The following EFCAB13 variants were observed in gnomAD, a reference collection of about 807,000 sequenced individuals.
EFCAB13 encodes EF-hand calcium-binding domain-containing protein 13.
In EFCAB13, 91 loss-of-function variants were observed where a neutral mutation model predicts 110.2. That is an observed-to-expected ratio of 0.83 (90% CI 0.70 to 0.98). EFCAB13 has a LOEUF of 0.98. Among genes scored for constraint, EFCAB13 ranks in the 50% least tolerant of loss-of-function variants. The pLI, the probability that EFCAB13 is intolerant of heterozygous loss-of-function variation, is 0.00. For synonymous variants in EFCAB13, 323 were observed against 369.9 expected (o/e 0.87, Z 1.45); for missense variants, 968 against 1,119.4 (o/e 0.86, Z 1.93).
In EFCAB13 at chr17:47,393,717, AAAATAAAT is replaced by A. The variant is rs142944677; in HGVS notation, c.1727-276_1727-269del. Among the ~76,000 whole-genome samples, 1,236 of 142,246 alleles carry A rather than the reference AAAATAAAT, an allele frequency of 8.7e-3. 12 individuals are homozygous for A. The highest frequency in any genetic ancestry group is 0.022 in the African/African-American group (851 of 38,130). 93.3% of individuals were successfully genotyped at this position (142,246 alleles called of 152,430 possible). A position where few individuals can be genotyped will look rare whatever the true frequency, so the allele number is the denominator to read the frequency against. ...GGTGACAGAGTGAGACTCTTTCTCA[AAAATAAAT>A]AAATAAATAAATAAATAAATAAATA... is the stretch of plus-strand genomic sequence containing the variant. On this transcript the variant is annotated intron_variant, in intron 15 of 24. Transcript: ENST00000331493.
intron 4 of EFCAB13, chr17:47,329,961 C>A (rs2065310172): frequency 6.6e-6 from 1 of 152,124 alleles, no homozygotes; most frequent in Non-Finnish European, 1.5e-5. Flanking sequence ...TGAAATAGTT[C>A]TGTTAATTTC....
intron 9 of EFCAB13, among the ~76,000 whole-genome samples, chr17:47,360,701 A>G (rs989251580): frequency 6.6e-6 from 1 of 152,144 alleles, no homozygotes; most frequent in African/African-American, 2.4e-5. Context: ...GTCCTCGCCC[A>G]TGCCTATGTC....
chr17:47,393,693 G>A (rs1436024712), intron 15 of EFCAB13, among the ~76,000 whole-genome samples: 1 of 150,472 alleles, frequency 6.6e-6, no homozygotes, highest in Non-Finnish European at 1.5e-5. Context: ...TCTAGCGTGG[G>A]TGACAGAGTG....
At position 47,351,327 on chromosome 17, in the gene EFCAB13, G is replaced by GCGCA. The variant is rs751350035; in HGVS notation, c.661+3377_661+3378insGCAC. On this transcript the variant is annotated intron_variant, in intron 9 of 24. Coordinates refer to ENST00000331493, the MANE Select transcript of EFCAB13 (RefSeq NM_152347.5). Reference sequence around the variant, plus strand: ...TGTGCGCGCGCGCGCGCGCGCGCGCGCCACGTTTTCTTTATCCAGTCATCC... The same window carrying GCGCA: ...TGTGCGCGCGCGCGCGCGCGCGCGCGCGCACCACGTTTTCTTTATCCAGTCATCC... Among the ~76,000 whole-genome samples the GCGCA allele has an allele frequency of 2.4e-3, 358 of 150,074 alleles. 3 individuals carry two copies. The highest frequency in any genetic ancestry group is 4.6e-3 in the Admixed American group (69 of 15,030).
chr17:47,356,369 T>A (rs1289293423), intron 9 of EFCAB13, among the ~76,000 whole-genome samples: 1 of 152,230 alleles, frequency 6.6e-6, no homozygotes, highest in African/African-American at 2.4e-5. Flanking sequence ...TTCAGATTCT[T>A]TTGTTCCTCA....
In EFCAB13 at chr17:47,440,445, A is replaced by G; in HGVS notation, c.2653A>G (p.Ser885Gly). ...TTGCCTTACAGAAAGTGGCAAGGTT[A>G]GCATTCAAGAATTTATGACTAAATT... ...HVPEHESGKV[S>G]IQEFMTKLSD... The change falls in exon 25 of 25, where the codon AGC becomes GGC. Residue 885 changes from serine to glycine, a missense_variant. Physicochemically the swap from Ser to Gly is moderately conservative, Grantham distance 56. Transcript: ENST00000331493. 1 of 1,594,324 alleles carries G rather than the reference A, an allele frequency of 6.3e-7. No individual in the cohort carries two copies. Among genetic ancestry groups the G allele is most frequent in the Non-Finnish European group, 8.5e-7 (1 of 1,172,876 alleles).
At chr17:47,424,593 C>G (rs914025237) in intron 23 of EFCAB13, among the ~76,000 whole-genome samples, 2 of 152,072 alleles carry the variant, frequency 1.3e-5, no homozygotes, top group Non-Finnish European at 2.9e-5. Context: ...TGAAAATTCA[C>G]GGAGGGCTTC....
intron 5 of EFCAB13, among the ~76,000 whole-genome samples, chr17:47,336,592 ATTTTTTT>A (rs66495523): frequency 2.5e-5 from 3 of 119,544 alleles, no homozygotes; most frequent in Non-Finnish European, 5.1e-5. Flanking sequence ...CACCTGGCCA[ATTTTTTT>A]TTTTTTTTTT....
intron 24 of EFCAB13, among the ~76,000 whole-genome samples, chr17:47,438,697 T>G (rs1905257150): frequency 6.6e-6 from 1 of 152,094 alleles, no homozygotes; most frequent in South Asian, 2.1e-4. Flanking sequence ...CTTCACTTCT[T>G]GTATCATATT....
chr17:47,423,519 G>T, intron 23 of EFCAB13: 1 of 269,358 alleles, frequency 3.7e-6, no homozygotes. Flanking sequence ...CTCCTCCTTC[G>T]CTTCTCCCGA....
At chr17:47,372,939 T>A (rs1203933045) in intron 11 of EFCAB13, among the ~76,000 whole-genome samples, 1 of 152,164 alleles carries the variant, frequency 6.6e-6, no homozygotes, top group Non-Finnish European at 1.5e-5. Flanking sequence ...TTGGCCTTCC[T>A]GTACCTGGAT....
chr17:47,418,190 G>C (rs1221279778), intron 23 of EFCAB13, among the ~76,000 whole-genome samples: 3 of 152,174 alleles, frequency 2.0e-5, no homozygotes, highest in African/African-American at 4.8e-5. Context: ...AGGGTTAGCA[G>C]CTTTATGGAT....
At chr17:47,394,981 G>T (rs1208650192) in intron 16 of EFCAB13, among the ~76,000 whole-genome samples, 1 of 152,026 alleles carries the variant, frequency 6.6e-6, no homozygotes, top group Non-Finnish European at 1.5e-5. Context: ...CTCAAAGCAT[G>T]TCTTCTTTAT....
intron 11 of EFCAB13, among the ~76,000 whole-genome samples, chr17:47,372,152 A>G (rs2065588149): frequency 6.6e-6 from 1 of 152,020 alleles, no homozygotes; most frequent in Non-Finnish European, 1.5e-5. Context: ...TGCTTGTTTC[A>G]TAGATCCTTT....
intron 5 of EFCAB13, among the ~76,000 whole-genome samples, chr17:47,339,263 T>C (rs1203038883): frequency 1.3e-5 from 2 of 152,186 alleles, no homozygotes; most frequent in African/African-American, 2.4e-5. Flanking sequence ...AATTACATTT[T>C]ATCTTATTGT....
intron 21 of EFCAB13, among the ~76,000 whole-genome samples, chr17:47,409,906 A>G (rs1024737524): frequency 9.9e-5 from 15 of 152,192 alleles, no homozygotes; most frequent in Middle Eastern, 3.4e-3. Flanking sequence ...TCCATGCCCT[A>G]TCTTTCTAGC....
At chr17:47,372,099 G>A (rs1319833421) in intron 11 of EFCAB13, among the ~76,000 whole-genome samples, 1 of 152,106 alleles carries the variant, frequency 6.6e-6, no homozygotes, top group African/African-American at 2.4e-5. Context: ...GGTAGTTATT[G>A]ATATGGAAGG....
In EFCAB13 at chr17:47,429,905, A is replaced by T. The variant is rs370963342; in HGVS notation, c.2582A>T (p.Asp861Val). The T allele has an allele frequency of 1.2e-6, 2 of 1,613,136 alleles. No homozygotes were observed. The highest frequency in any genetic ancestry group is 1.3e-5 in the African/African-American group (1 of 75,002). ...SDLKTLLMDK[D>V]LHTANAILTV... is the part of the protein sequence containing the mutation. Reference sequence around the variant, plus strand: ...CTCAAGACATTATTGATGGACAAGGACCTTCATACAGCTAATGCTATACTT... The same window carrying T: ...CTCAAGACATTATTGATGGACAAGGTCCTTCATACAGCTAATGCTATACTT... Residue 861 changes from aspartate (D) to valine (V), a missense_variant, in exon 24 of 25, where the codon GAC becomes GTC. Physicochemically the swap from Asp to Val is radical, Grantham distance 152 (BLOSUM62 -3). Coordinates refer to ENST00000331493, the MANE Select transcript of EFCAB13 (RefSeq NM_152347.5).
intron 9 of EFCAB13, among the ~76,000 whole-genome samples, chr17:47,359,288 C>T (rs760441032): frequency 3.9e-5 from 6 of 151,936 alleles, no homozygotes. Context: ...AAGCCGAGAT[C>T]GTGTGATTGC....
Sources: gnomAD v4.1 joint callset for allele counts (sites outside exome capture counted in the v4.1 genomes callset) on GRCh38, gnomAD v4.1.1 for gene constraint, MANE v1.5 for transcripts, NCBI Gene and HGNC (gene_info 2026-07-23, HGNC 2026-07-21) for gene names.